RPSA2: variants seen among roughly 807,000 people sequenced by gnomAD.
RPSA2 encodes small ribosomal subunit protein uS2B.
chr19:23,813,957 G>C, the RPSA2 span, among the ~76,000 whole-genome samples: 561 of 152,114 alleles, frequency 3.7e-3, 2 homozygotes, highest in South Asian at 0.023. Flanking sequence ...TCCTGACCTT[G>C]TGATCTGCTC....
the RPSA2 span, among the ~76,000 whole-genome samples, chr19:23,766,639 AG>A: frequency 5.3e-5 from 8 of 151,684 alleles, no homozygotes; most frequent in Admixed American, 3.9e-4. Context: ...TATATTTAGT[AG>A]AGACAGGGTT....
chr19:23,787,564 G>A, the RPSA2 span, among the ~76,000 whole-genome samples: 4 of 152,022 alleles, frequency 2.6e-5, no homozygotes, highest in African/African-American at 7.2e-5. Flanking sequence ...AGCCAAAATC[G>A]TGCCACTGCA....
the RPSA2 span, among the ~76,000 whole-genome samples, chr19:23,822,732 C>T: frequency 2.0e-5 from 3 of 152,042 alleles, no homozygotes; most frequent in African/African-American, 7.2e-5. Flanking sequence ...TAGGGTGTAG[C>T]CTGGGGCATG....
At chr19:23,820,139 G>A in the RPSA2 span, among the ~76,000 whole-genome samples, 10 of 152,166 alleles carry the variant, frequency 6.6e-5, no homozygotes, top group East Asian at 5.8e-4. Context: ...CACAAGGTGT[G>A]GCCCCTATTT....
the RPSA2 span, chr19:23,832,958 G>T: frequency 6.7e-7 from 1 of 1,486,984 alleles, no homozygotes; most frequent in South Asian, 1.2e-5. Flanking sequence ...ATTCACAGTG[G>T]AGTAAAACCC....
the RPSA2 span, among the ~76,000 whole-genome samples, chr19:23,798,265 G>T: frequency 6.6e-6 from 1 of 152,156 alleles, no homozygotes; most frequent in Non-Finnish European, 1.5e-5. Flanking sequence ...AGGACTAAAA[G>T]ATATTGGTAA....
chr19:23,853,197 T>C, the RPSA2 span, among the ~76,000 whole-genome samples: 1 of 152,262 alleles, frequency 6.6e-6, no homozygotes, highest in Non-Finnish European at 1.5e-5. Context: ...ATACGATTTA[T>C]GTAAAGCAGT....
At chr19:23,845,111 C>A in the RPSA2 span, among the ~76,000 whole-genome samples, 1 of 2,928 alleles carries the variant, frequency 3.4e-4, no homozygotes, top group East Asian at 0.011. Flanking sequence ...ATTGTAATGT[C>A]TATTCTTTCA....
the RPSA2 span, among the ~76,000 whole-genome samples, chr19:23,810,221 GTC>G: frequency 6.6e-6 from 1 of 151,926 alleles, no homozygotes; most frequent in South Asian, 2.1e-4. Flanking sequence ...GTGAAACCCC[GTC>G]TCTACTAAAA....
the RPSA2 span, among the ~76,000 whole-genome samples, chr19:23,767,736 GA>G: frequency 6.9e-6 from 1 of 145,130 alleles, no homozygotes; most frequent in African/African-American, 2.5e-5. Context: ...ACCTTGGAAA[GA>G]TTTTTTCACT....
the RPSA2 span, among the ~76,000 whole-genome samples, chr19:23,806,036 C>T: frequency 6.2e-5 from 6 of 96,448 alleles, no homozygotes; most frequent in African/African-American, 1.5e-4. Context: ...TCTATCTATC[C>T]TTCTTTCTTT....
chr19:23,821,211 AGTTT>A, the RPSA2 span, among the ~76,000 whole-genome samples: 1 of 152,170 alleles, frequency 6.6e-6, no homozygotes, highest in Non-Finnish European at 1.5e-5. Flanking sequence ...TCCTAGAGTT[AGTTT>A]GTCAGCTTCC....
the RPSA2 span, among the ~76,000 whole-genome samples, chr19:23,805,121 GCACACACACACACACA>G: frequency 0.028 from 4,170 of 149,630 alleles, 108 homozygotes; most frequent in African/African-American, 0.061. Context: ...AAAATAAAAA[GCACACACACACACACA>G]CACACACACA....
the RPSA2 span, among the ~76,000 whole-genome samples, chr19:23,869,638 T>C: frequency 1.3e-5 from 2 of 152,196 alleles, no homozygotes; most frequent in Non-Finnish European, 1.5e-5. Flanking sequence ...TCCTTCTTTA[T>C]ACCACACCGG....
chr19:23,846,264 A>T, the RPSA2 span, among the ~76,000 whole-genome samples: 1 of 152,070 alleles, frequency 6.6e-6, no homozygotes, highest in Non-Finnish European at 1.5e-5. Flanking sequence ...TTTCTTATTC[A>T]TTTCATAAAT....
At chr19:23,812,069 T>G in the RPSA2 span, among the ~76,000 whole-genome samples, 2 of 152,234 alleles carry the variant, frequency 1.3e-5, no homozygotes, top group African/African-American at 4.8e-5. Flanking sequence ...ACAAATTATT[T>G]GTTAATGTAC....
At chr19:23,821,830 C>CA in the RPSA2 span, among the ~76,000 whole-genome samples, 3 of 152,348 alleles carry the variant, frequency 2.0e-5, no homozygotes, top group East Asian at 5.8e-4. Context: ...CGTCCCTTTA[C>CA]AATGTTAATT....
chr19:23,868,155 C>T, the RPSA2 span, among the ~76,000 whole-genome samples: 4 of 152,136 alleles, frequency 2.6e-5, no homozygotes, highest in Non-Finnish European at 4.4e-5. Flanking sequence ...CAGGGCTTGC[C>T]ATCCCCAGCA....
At chr19:23,859,357 G>A in the RPSA2 span, among the ~76,000 whole-genome samples, 2 of 152,116 alleles carry the variant, frequency 1.3e-5, no homozygotes, top group Admixed American at 1.3e-4. Context: ...GGCTGGGTGC[G>A]ATGCCTCACA....
Sources: allele counts gnomAD v4.1 joint callset (sites outside exome capture counted in the v4.1 genomes callset), GRCh38; gene constraint gnomAD v4.1.1; transcripts MANE v1.5; gene names NCBI Gene and HGNC (gene_info 2026-07-23, HGNC 2026-07-21).